Variants in PSD2 observed in about 807,000 individuals in gnomAD.
PSD2 encodes the protein PH and SEC7 domain-containing protein 2.
PSD2 carries 38 observed loss-of-function variants against 69.8 expected under a neutral mutation model. The ratio of observed to expected loss-of-function variants is 0.54; its 90% confidence interval spans 0.42 to 0.71. PSD2 has a LOEUF of 0.71. PSD2 is among the 30% of genes least tolerant of loss of function. The probability of loss-of-function intolerance (pLI) is 0.00; values close to 1 mark genes in which losing one functional copy is unlikely to be tolerated. For synonymous variants in PSD2, 412 were observed against 423.0 expected (o/e 0.97, Z 0.32); for missense variants, 943 against 1,014.5 (o/e 0.93, Z 0.96).
chr5:139,789,071 C>T, the PSD2 span, among the ~76,000 whole-genome samples: 45 of 152,370 alleles, frequency 3.0e-4, no homozygotes, highest in African/African-American at 1.0e-3. Context: ...CCGTGGCTCC[C>T]TGCCCCGGCT....
chr5:139,774,881 G>A, the PSD2 span, among the ~76,000 whole-genome samples: 4 of 152,200 alleles, frequency 2.6e-5, no homozygotes, highest in Non-Finnish European at 4.4e-5. Flanking sequence ...TGATTGGGTA[G>A]TGATGTTGCT....
intron 2 of PSD2, among the ~76,000 whole-genome samples, chr5:139,813,011 G>A (rs189829525): frequency 3.9e-5 from 6 of 152,276 alleles, no homozygotes; most frequent in African/African-American, 1.2e-4. Context: ...AGCTGGCAGC[G>A]GGGCAGGGGC....
At chr5:139,750,199 G>A in the PSD2 span, among the ~76,000 whole-genome samples, 16 of 152,008 alleles carry the variant, frequency 1.1e-4, no homozygotes, top group African/African-American at 2.7e-4. Flanking sequence ...AGTGGCAGGC[G>A]CCTGTAGTCC....
At chr5:139,800,200 T>G (rs1010009997) in intron 1 of PSD2, among the ~76,000 whole-genome samples, 1 of 152,226 alleles carries the variant, frequency 6.6e-6, no homozygotes, top group Non-Finnish European at 1.5e-5. Flanking sequence ...TTCTTCACAC[T>G]TTCTTGGCAA....
rs1390769070 is a variant in PSD2, at chr5:139,814,353, G to A, written c.1005G>A (p.Gln335=). ...TCCAGCGCTGTGATGTGGCCCGGCAGCTGGGCAAGAAGTGAGTGTGAGCTC... is the reference window on the plus strand; with the variant it reads ...TCCAGCGCTGTGATGTGGCCCGGCAACTGGGCAAGAAGTGAGTGTGAGCTC... ...EGFQRCDVAR[Q]LGKNNEFSRL... Residue 335 remains glutamine, a synonymous_variant, in exon 4 of 15, where the codon CAG becomes CAA. Coordinates refer to ENST00000274710, the MANE Select transcript of PSD2 (RefSeq NM_032289.4). This position sits in a 1 kb window ranked among gnomAD's most constrained non-coding sequence, Gnocchi z 4.4. The A allele has an allele frequency of 1.9e-6, 3 of 1,601,954 alleles. No homozygotes were observed. The highest frequency in any genetic ancestry group is 2.6e-6 in the Non-Finnish European group (3 of 1,174,572).
the PSD2 span, among the ~76,000 whole-genome samples, chr5:139,774,251 T>C: frequency 6.6e-6 from 1 of 150,810 alleles, no homozygotes; most frequent in Non-Finnish European, 1.5e-5. Flanking sequence ...TTTGGGGAGG[T>C]GGTATTTGAA....
intron 1 of PSD2, among the ~76,000 whole-genome samples, chr5:139,802,466 A>G (rs531600823): frequency 2.0e-4 from 31 of 151,494 alleles, no homozygotes; most frequent in African/African-American, 7.3e-4. Context: ...AGCTCTCAGG[A>G]TTCAACTCTC....
At chr5:139,763,300 C>G in the PSD2 span, among the ~76,000 whole-genome samples, 1 of 152,136 alleles carries the variant, frequency 6.6e-6, no homozygotes, top group South Asian at 2.1e-4. Context: ...GAGTCTAGCC[C>G]AGTTGTTCTT....
intron 1 of PSD2, among the ~76,000 whole-genome samples, chr5:139,808,395 A>G (rs915977495): frequency 5.3e-5 from 8 of 152,208 alleles, no homozygotes; most frequent in Admixed American, 1.3e-4. Context: ...CATTTGAAAC[A>G]GTGGCGGTGA....
intron 1 of PSD2, among the ~76,000 whole-genome samples, chr5:139,804,875 G>T (rs975644927): frequency 4.6e-5 from 7 of 151,980 alleles, no homozygotes; most frequent in African/African-American, 9.7e-5. Flanking sequence ...GTGCGTGTGT[G>T]TGTGTCTGTG....
chr5:139,805,032 T>A (rs1056520747), intron 1 of PSD2, among the ~76,000 whole-genome samples: 1 of 150,746 alleles, frequency 6.6e-6, no homozygotes, highest in South Asian at 2.1e-4. Context: ...TGTGTGTGTA[T>A]TGTGCATGTG....
At chr5:139,813,140 C>T (rs1245275388) in intron 2 of PSD2, among the ~76,000 whole-genome samples, 169 bp from the exon 3 acceptor site, 1 of 152,220 alleles carries the variant, frequency 6.6e-6, no homozygotes, top group African/African-American at 2.4e-5. Context: ...CAGTACCCAG[C>T]CTGGTGTCTG....
chr5:139,754,968 G>A, the PSD2 span, among the ~76,000 whole-genome samples: 14 of 152,352 alleles, frequency 9.2e-5, no homozygotes, highest in South Asian at 8.3e-4. Context: ...GTGTGCAGTG[G>A]AGAGGGTCCG....
chr5:139,810,268 A>G (rs1759925735), intron 2 of PSD2, among the ~76,000 whole-genome samples: 1 of 152,098 alleles, frequency 6.6e-6, no homozygotes. Context: ...AGGAAGTTCT[A>G]CCAGGGATCT....
At chr5:139,830,656 C>CTTTCTTTCTTTCTTTCTT (rs772487973) in intron 7 of PSD2, among the ~76,000 whole-genome samples, 1 of 60,890 alleles carries the variant, frequency 1.6e-5, no homozygotes, top group African/African-American at 7.6e-5. Context: ...TTCTTTCTTT[C>CTTTCTTTCTTTCTTTCTT]TCTTTCTTTC....
At chr5:139,838,181 A>C (rs991088037) in intron 12 of PSD2, among the ~76,000 whole-genome samples, 1 of 152,166 alleles carries the variant, frequency 6.6e-6, no homozygotes, top group Admixed American at 6.5e-5. Context: ...TCCTCCTGTG[A>C]CTTGAGATTG....
chr5:139,788,519 G>T, the PSD2 span, among the ~76,000 whole-genome samples: 1 of 150,736 alleles, frequency 6.6e-6, no homozygotes, highest in Non-Finnish European at 1.5e-5. Flanking sequence ...GGTAGAGACT[G>T]GGGGGGGCAC....
At chr5:139,822,576 G>T in intron 6 of PSD2, 150 bp from the exon 7 acceptor site, 1 of 584,332 alleles carries the variant, frequency 1.7e-6, no homozygotes. Flanking sequence ...GGCAGACCTG[G>T]AGCGTCACAC....
chr5:139,842,754 C>T lies in PSD2; in HGVS notation c.*280C>T. On this transcript the variant is annotated 3_prime_UTR_variant, in exon 15 of 15. Coordinates refer to ENST00000274710, the MANE Select transcript of PSD2 (RefSeq NM_032289.4). ...GCCAGTTGTGTGCATGCTCTAGACACCACCTCGCTGGAGAAGCTGGAAGGG... is the reference window on the plus strand; with the variant it reads ...GCCAGTTGTGTGCATGCTCTAGACATCACCTCGCTGGAGAAGCTGGAAGGG... 1 of 379,410 alleles carries T rather than the reference C, an allele frequency of 2.6e-6. No homozygotes were observed. The highest frequency in any genetic ancestry group is 4.8e-6 in the Non-Finnish European group (1 of 209,092). 23.5% of individuals were successfully genotyped at this position (379,410 alleles called of 1,614,324 possible). A position where few individuals can be genotyped will look rare whatever the true frequency, so the allele number is the denominator to read the frequency against.
Sources: allele counts gnomAD v4.1 joint callset (sites outside exome capture counted in the v4.1 genomes callset), GRCh38; gene constraint gnomAD v4.1.1; non-coding constraint Gnocchi (gnomAD v3.1); transcripts MANE v1.5; gene names NCBI Gene and HGNC (gene_info 2026-07-23, HGNC 2026-07-21).